KCND3: variants seen among roughly 807,000 people sequenced by gnomAD.
KCND3 encodes potassium voltage-gated channel subfamily D member 3.
Under a neutral mutation model 51.1 loss-of-function variants are expected in KCND3, and 9 were observed. The ratio of observed to expected loss-of-function variants is 0.18; its 90% CI spans 0.11 to 0.31. The LOEUF (loss-of-function observed/expected upper bound fraction) is 0.31. Ranked by LOEUF, KCND3 falls within the 10% of genes least tolerant of loss-of-function variation. The pLI is 1.00. For synonymous variants in KCND3, 349 were observed against 368.0 expected (o/e 0.95, Z 0.59); for missense variants, 526 against 903.8 (o/e 0.58, Z 5.36).
At chr1:111,832,329 G>A (rs1666870930) in intron 2 of KCND3, among the ~76,000 whole-genome samples, 1 of 152,196 alleles carries the variant, frequency 6.6e-6, no homozygotes, top group Non-Finnish European at 1.5e-5. Flanking sequence ...GACGTTGGGT[G>A]ACAATGTGGA....
chr1:111,944,245 G>A (rs897141482), intron 2 of KCND3, among the ~76,000 whole-genome samples: 3 of 152,208 alleles, frequency 2.0e-5, no homozygotes, highest in African/African-American at 7.2e-5. Flanking sequence ...TGAGGGGAGA[G>A]GAAAGAGTGG....
chr1:111,961,174 G>A (rs561539015), intron 2 of KCND3, among the ~76,000 whole-genome samples: 1 of 152,306 alleles, frequency 6.6e-6, no homozygotes, highest in South Asian at 2.1e-4. Context: ...GCCACAGAGG[G>A]GCCTGTCCAC....
intron 2 of KCND3, among the ~76,000 whole-genome samples, chr1:111,974,962 A>G (rs1249926627): frequency 6.6e-6 from 1 of 152,230 alleles, no homozygotes; most frequent in Admixed American, 6.5e-5. Flanking sequence ...AAAAGGCTCA[A>G]ATCCTATGGT....
At chr1:111,802,269 T>C (rs1665345753) in intron 2 of KCND3, among the ~76,000 whole-genome samples, 1 of 152,184 alleles carries the variant, frequency 6.6e-6, no homozygotes, top group Admixed American at 6.5e-5. Flanking sequence ...AGTACATCTG[T>C]CCCTCTGTCA....
intron 2 of KCND3, among the ~76,000 whole-genome samples, chr1:111,900,723 G>A (rs759639523): frequency 1.1e-4 from 16 of 152,016 alleles, no homozygotes; most frequent in African/African-American, 2.4e-4. Flanking sequence ...TTGGGAGGCC[G>A]AGGTGGGCGG....
At chr1:111,859,742 A>G (rs540591794) in intron 2 of KCND3, among the ~76,000 whole-genome samples, 2 of 152,338 alleles carry the variant, frequency 1.3e-5, no homozygotes, top group South Asian at 4.1e-4. Context: ...ATGAAAGCTG[A>G]GCCCTATTAA....
chr1:111,848,119 T>C (rs1258636296), intron 2 of KCND3, among the ~76,000 whole-genome samples: 1 of 152,216 alleles, frequency 6.6e-6, no homozygotes, highest in Non-Finnish European at 1.5e-5. Context: ...CTGGAGCATA[T>C]GCCTTGTCTC....
chr1:111,834,304 T>C (rs1477063855), intron 2 of KCND3, among the ~76,000 whole-genome samples: 2 of 152,166 alleles, frequency 1.3e-5, no homozygotes, highest in African/African-American at 4.8e-5. Context: ...CCAAATCTGA[T>C]CCTGGGACTT....
intron 2 of KCND3, among the ~76,000 whole-genome samples, chr1:111,788,422 T>C (rs542255948): frequency 6.6e-6 from 1 of 152,258 alleles, no homozygotes; most frequent in South Asian, 2.1e-4. Flanking sequence ...TGGAAGGGGA[T>C]GGGGCAAGCT....
chr1:111,866,055 A>G (rs1668550386), intron 2 of KCND3, among the ~76,000 whole-genome samples: 1 of 152,034 alleles, frequency 6.6e-6, no homozygotes, highest in South Asian at 2.1e-4. Flanking sequence ...TTGGGGGCGC[A>G]GATTAATTTT....
chr1:111,963,318 A>G (rs573548508), intron 2 of KCND3, among the ~76,000 whole-genome samples: 81 of 152,404 alleles, frequency 5.3e-4, no homozygotes, highest in Non-Finnish European at 8.5e-4. Context: ...CCTAAGGAGA[A>G]TATTGTGAAC....
At chr1:111,964,132 T>C (rs1363503651) in intron 2 of KCND3, among the ~76,000 whole-genome samples, 4 of 152,146 alleles carry the variant, frequency 2.6e-5, no homozygotes, top group African/African-American at 4.8e-5. Flanking sequence ...CTGCCCAGGC[T>C]CCCAGCCAGG....
At chr1:111,809,676 T>A (rs1236956487) in intron 2 of KCND3, among the ~76,000 whole-genome samples, 1 of 151,858 alleles carries the variant, frequency 6.6e-6, no homozygotes, top group Non-Finnish European at 1.5e-5. Context: ...TGTGTGTGTA[T>A]GCGTGTGTGT....
At chr1:111,962,201 A>G (rs1673698851) in intron 2 of KCND3, among the ~76,000 whole-genome samples, 1 of 152,248 alleles carries the variant, frequency 6.6e-6, no homozygotes, top group South Asian at 2.1e-4. Flanking sequence ...TGAGGTTCAC[A>G]GGTGGGTTTC....
chr1:111,825,541 T>C (rs1666536114), intron 2 of KCND3, among the ~76,000 whole-genome samples: 1 of 152,160 alleles, frequency 6.6e-6, no homozygotes, highest in Non-Finnish European at 1.5e-5. Flanking sequence ...TCTTTCTACA[T>C]CTCCAGTATT....
chr1:111,906,920 T>C (rs12565324), intron 2 of KCND3, among the ~76,000 whole-genome samples: 13,217 of 152,188 alleles, frequency 0.087, 960 homozygotes, highest in East Asian at 0.4. Flanking sequence ...ACACCACACC[T>C]TTCTTCCCTC....
chr1:111,859,606 C>T (rs1335206195), intron 2 of KCND3, among the ~76,000 whole-genome samples: 3 of 152,160 alleles, frequency 2.0e-5, no homozygotes, highest in Admixed American at 6.5e-5. Flanking sequence ...CCACAGTAAG[C>T]AGGATGTATA....
At chr1:111,977,772 G>A (rs766757907) in intron 2 of KCND3, among the ~76,000 whole-genome samples, 2 of 152,186 alleles carry the variant, frequency 1.3e-5, no homozygotes, top group Non-Finnish European at 2.9e-5. Flanking sequence ...GCCAAACAAA[G>A]TCAAATGAAG....
intron 2 of KCND3, among the ~76,000 whole-genome samples, chr1:111,799,646 C>T (rs577232830): frequency 9.5e-4 from 145 of 152,326 alleles, no homozygotes; most frequent in African/African-American, 3.4e-3. Context: ...TGCACCAGCC[C>T]TGTCACCAAA....
Sources: gnomAD v4.1 joint callset for allele counts (sites outside exome capture counted in the v4.1 genomes callset) on GRCh38, gnomAD v4.1.1 for gene constraint, MANE v1.5 for transcripts, NCBI Gene and HGNC (gene_info 2026-07-23, HGNC 2026-07-21) for gene names.